Variants in COLGALT2 observed in about 807,000 individuals in gnomAD.
COLGALT2 encodes the protein procollagen galactosyltransferase 2.
A neutral mutation model predicts 73.4 loss-of-function variants in COLGALT2; 49 were observed. The ratio of observed to expected loss-of-function variants is 0.67; its 90% CI spans 0.53 to 0.85. The LOEUF (loss-of-function observed/expected upper bound fraction) is 0.85. Ranked by LOEUF, COLGALT2 falls within the 40% of genes least tolerant of loss-of-function variation. The pLI, the probability that COLGALT2 is intolerant of heterozygous loss-of-function variation, is 0.00. For synonymous variants in COLGALT2, 295 were observed against 307.6 expected, an observed-to-expected ratio of 0.96 and a Z score of 0.43; for missense variants, 722 against 790.2, an observed-to-expected ratio of 0.91 and a Z score of 1.03.
At position 183,950,384 on chromosome 1, in the gene COLGALT2, C is replaced by T. The variant is rs531793582; in HGVS notation, c.1136+623G>A. Among the ~76,000 whole-genome samples, 3 of 151,852 alleles carry T rather than the reference C, an allele frequency of 2.0e-5. No homozygotes were observed. The East Asian group carries it at 5.8e-4, about 29-fold the overall frequency. Reference sequence around the variant, plus strand: ...AAAACAAAGCTACTGATATTCTAAACCAACATATAACATGGAAAGGCACAT... The same window carrying T: ...AAAACAAAGCTACTGATATTCTAAATCAACATATAACATGGAAAGGCACAT... On this transcript the variant is annotated intron_variant, in intron 8 of 11. Transcript: ENST00000361927.
At chr1:183,934,252 T>C (rs1669903259), downstream of COLGALT2, among the ~76,000 whole-genome samples, 2 of 152,234 alleles carry the variant, frequency 1.3e-5, no homozygotes, top group South Asian at 4.1e-4. Flanking sequence ...CGTAATCTTT[T>C]GTAATATAAT....
intron 1 of COLGALT2, among the ~76,000 whole-genome samples, chr1:184,005,244 A>C (rs1185072870): frequency 6.6e-6 from 1 of 152,204 alleles, no homozygotes; most frequent in East Asian, 1.9e-4. Flanking sequence ...AGACCTGTTA[A>C]AAAGTGTCAG....
intron 1 of COLGALT2, among the ~76,000 whole-genome samples, chr1:184,034,440 C>A (rs914879330): frequency 2.6e-5 from 4 of 152,304 alleles, no homozygotes; most frequent in Middle Eastern, 3.4e-3. Flanking sequence ...CTGCCCCAAT[C>A]TGATTTATAA....
At position 183,936,552 on chromosome 1, in the gene COLGALT2, C is replaced by T; in HGVS notation, c.*2209G>A. On this transcript the variant is annotated 3_prime_UTR_variant, in exon 12 of 12. Coordinates refer to ENST00000361927, the MANE Select transcript of COLGALT2 (RefSeq NM_015101.4). ...AAAAAAAATTCTCTATTAAACAAAA[C>T]ACCACAAAAATCAACCCAAACTTCC... The T allele has an allele frequency of 1.8e-6, 2 of 1,092,934 alleles. No homozygotes were observed. The highest frequency in any genetic ancestry group is 2.2e-6 in the Non-Finnish European group (2 of 900,496). The allele number at this position is 1,092,934 out of a possible 1,614,324, so 67.7% of individuals were successfully genotyped here. A position where few individuals can be genotyped will look rare whatever the true frequency, so the allele number is the denominator to read the frequency against.
chr1:183,963,807 G>T, intron 6 of COLGALT2, 94 bp downstream of exon 6: 1 of 1,320,284 alleles, frequency 7.6e-7, no homozygotes, highest in Non-Finnish European at 1.0e-6. Flanking sequence ...ACTGATGGCT[G>T]TGAGATTCCA....
chr1:183,950,967 C>T lies in COLGALT2; in HGVS notation c.1136+40G>A, dbSNP rs756505082. 2.1e-6 allele frequency: 3 copies of T among 1,433,128 alleles called. No individual in the cohort carries two copies. The African/African-American group carries it at 4.2e-5, about 20-fold the overall frequency. 88.8% of individuals were successfully genotyped at this position (1,433,128 alleles called of 1,614,324 possible). On this transcript the variant is annotated intron_variant, in intron 8 of 11. Coordinates refer to ENST00000361927, the MANE Select transcript of COLGALT2 (RefSeq NM_015101.4). ...CTCTGTCAGAGAAGACACATCCACA[C>T]TCCAATCACATCTGCAATGGGAGAA...
In COLGALT2 at chr1:183,938,304, G is replaced by GCA. The variant is rs1670015560; in HGVS notation, c.*455_*456dup. The GCA allele has an allele frequency of 1.0e-6, 1 of 989,150 alleles. No individual in the cohort carries two copies. Among genetic ancestry groups the GCA allele is most frequent in the Non-Finnish European group, 1.2e-6 (1 of 832,306 alleles). The allele number at this position is 989,150 out of a possible 1,614,324, so 61.3% of individuals were successfully genotyped here. On this transcript the variant is annotated 3_prime_UTR_variant, in exon 12 of 12. Transcript: ENST00000361927. Reference sequence around the variant, plus strand: ...AAGTGATTCCTGTCCCCCAAAAGTTGCACACACAAGTTTTCAATGTCATAT... The same window carrying GCA: ...AAGTGATTCCTGTCCCCCAAAAGTTGCACACACACAAGTTTTCAATGTCATAT...
intron 1 of COLGALT2, among the ~76,000 whole-genome samples, chr1:184,030,501 T>C (rs1191319047): frequency 6.6e-6 from 1 of 152,198 alleles, no homozygotes; most frequent in Non-Finnish European, 1.5e-5. Context: ...AGCCTTATAA[T>C]GGTCCTACTA....
At chr1:183,997,284 A>G (rs551411509) in intron 1 of COLGALT2, among the ~76,000 whole-genome samples, 13 of 152,122 alleles carry the variant, frequency 8.5e-5, no homozygotes, top group African/African-American at 2.6e-4. Context: ...TATAAATTTT[A>G]CCATGTAAGA....
At chr1:183,951,648 T>A (rs113241588) in intron 7 of COLGALT2, among the ~76,000 whole-genome samples, 1,801 of 151,994 alleles carry the variant, frequency 0.012, 18 homozygotes, top group South Asian at 0.046. Flanking sequence ...CCAAAGAAGG[T>A]AAAGATCTTT....
chr1:183,945,469 A>G lies in COLGALT2; in HGVS notation c.1232T>C (p.Ile411Thr). 1 of 1,614,156 alleles carries G rather than the reference A, an allele frequency of 6.2e-7. No homozygotes were observed. Among genetic ancestry groups the G allele is most frequent in the Non-Finnish European group, 8.5e-7 (1 of 1,180,026 alleles). Residue 411 changes from isoleucine (I) to threonine (T), a missense_variant, in exon 9 of 12, where the codon ATC (isoleucine) becomes ACC (threonine). Coordinates refer to ENST00000361927, the MANE Select transcript of COLGALT2 (RefSeq NM_015101.4). ...YSSRPLTRGE[I>T]GCFLSHYSVW... Reference sequence around the variant, plus strand: ...TGAGTAGTGGCTGAGAAAGCAGCCGATTTCACCCCTTGTTAGAGGCCTGGA... The same window carrying G: ...TGAGTAGTGGCTGAGAAAGCAGCCGGTTTCACCCCTTGTTAGAGGCCTGGA...
intron 6 of COLGALT2, among the ~76,000 whole-genome samples, chr1:183,961,576 A>G (rs1157669760): frequency 6.6e-6 from 1 of 152,238 alleles, no homozygotes; most frequent in African/African-American, 2.4e-5. Context: ...GCTCTTCTCA[A>G]CATTGCAAAA....
At chr1:183,945,737 T>C (rs1670232330) in intron 8 of COLGALT2, 173 bp from the exon 9 acceptor site, 2 of 696,550 alleles carry the variant, frequency 2.9e-6, no homozygotes, top group Non-Finnish European at 4.7e-6. Context: ...ACTAGTATTA[T>C]GAGGTCTGGG....
intron 1 of COLGALT2, among the ~76,000 whole-genome samples, chr1:184,013,422 T>A (rs1190678789): frequency 6.6e-6 from 1 of 152,150 alleles, no homozygotes; most frequent in African/African-American, 2.4e-5. Context: ...GAAGGTGTGG[T>A]CTGTTACAAA....
chr1:183,959,907 C>T (rs900901875), intron 6 of COLGALT2, among the ~76,000 whole-genome samples: 7 of 152,160 alleles, frequency 4.6e-5, no homozygotes, highest in African/African-American at 1.4e-4. Flanking sequence ...CAAGCTTTTC[C>T]TGTCTAACAG....
rs1335489808 is a variant in COLGALT2 at position 183,947,044 on chromosome 1, C to A, written c.1137-1480G>T. Among the ~76,000 whole-genome samples, 3 of 151,892 alleles carry A rather than the reference C, an allele frequency of 2.0e-5. No homozygotes were observed. In the East Asian group the frequency reaches 5.8e-4, roughly 29 times the overall value. ...AGACTCCATCTCAAAAAAAAAAGGT[C>A]AATCCATCAGGAAGGCATAACAATT... On this transcript the variant is annotated intron_variant, in intron 8 of 11. Transcript: ENST00000361927.
chr1:184,015,219 A>T (rs1648961547), intron 1 of COLGALT2, among the ~76,000 whole-genome samples: 1 of 152,244 alleles, frequency 6.6e-6, no homozygotes, highest in Non-Finnish European at 1.5e-5. Flanking sequence ...CTTAAAGAAG[A>T]TCAGATCAGA....
intron 9 of COLGALT2, among the ~76,000 whole-genome samples, chr1:183,944,768 A>T (rs1433281894): frequency 6.6e-6 from 1 of 152,100 alleles, no homozygotes; most frequent in African/African-American, 2.4e-5. Context: ...TGGTTTGTGA[A>T]ATTTCCCTGA....
At chr1:184,020,451 G>T (rs1386281749) in intron 1 of COLGALT2, among the ~76,000 whole-genome samples, 1 of 152,104 alleles carries the variant, frequency 6.6e-6, no homozygotes, top group East Asian at 1.9e-4. Context: ...AGGCAAATCT[G>T]ACCTAAGTCC....
Sources: allele counts gnomAD v4.1 joint callset (sites outside exome capture counted in the v4.1 genomes callset), GRCh38; gene constraint gnomAD v4.1.1; transcripts MANE v1.5; gene names NCBI Gene and HGNC (gene_info 2026-07-23, HGNC 2026-07-21).